CASD1: variants seen among roughly 807,000 people sequenced by gnomAD.
CASD1 encodes N-acetylneuraminate (7)9-O-acetyltransferase.
In CASD1, 41 loss-of-function variants were observed where a neutral mutation model predicts 100.0. The observed-to-expected ratio is 0.41, with a 90% CI of 0.32 to 0.53. The LOEUF (loss-of-function observed/expected upper bound fraction) is 0.53, where lower values mean the gene tolerates loss of function less well. CASD1 is among the 20% of genes least tolerant of loss of function. The pLI, the probability that CASD1 is intolerant of heterozygous loss-of-function variation, is 0.25. For synonymous variants in CASD1, 321 were observed against 315.6 expected, an observed-to-expected ratio of 1.02 and a Z score of -0.18; for missense variants, 774 against 948.7, an observed-to-expected ratio of 0.82 and a Z score of 2.42.
At chr7:94,589,687 C>T in the CASD1 span, 4 of 156,868 alleles carry the variant, frequency 2.5e-5, no homozygotes, top group Non-Finnish European at 2.8e-5. Flanking sequence ...ACTGCGTATG[C>T]GAGGGATCTA....
At chr7:94,567,212 G>A in the CASD1 span, among the ~76,000 whole-genome samples, 1 of 151,956 alleles carries the variant, frequency 6.6e-6, no homozygotes, top group Admixed American at 6.6e-5. Context: ...ATTGTCAGAG[G>A]CTAGAACTCA....
At chr7:94,525,982 T>C (rs1794545157) in intron 3 of CASD1, among the ~76,000 whole-genome samples, 1 of 152,240 alleles carries the variant, frequency 6.6e-6, no homozygotes, top group Non-Finnish European at 1.5e-5. Flanking sequence ...TGCCATTCTT[T>C]ATGTAGAACA....
chr7:94,510,280 G>C, intron 1 of CASD1, 63 bp downstream of exon 1: 2 of 1,250,886 alleles, frequency 1.6e-6, no homozygotes, highest in South Asian at 3.8e-5. Context: ...GGCGGCTGGA[G>C]GCCGCCCCCA....
At chr7:94,573,154 AAC>A in the CASD1 span, among the ~76,000 whole-genome samples, 7 of 152,328 alleles carry the variant, frequency 4.6e-5, no homozygotes, top group South Asian at 1.2e-3. Flanking sequence ...GGCATCAGGT[AAC>A]ACAGTGCCTC....
chr7:94,567,264 T>C, the CASD1 span, among the ~76,000 whole-genome samples: 1 of 152,160 alleles, frequency 6.6e-6, no homozygotes, highest in African/African-American at 2.4e-5. Flanking sequence ...CTGCTCTTTA[T>C]TATAGTGATT....
chr7:94,522,838 T>C (rs1794357716), intron 3 of CASD1, among the ~76,000 whole-genome samples: 1 of 152,048 alleles, frequency 6.6e-6, no homozygotes, highest in South Asian at 2.1e-4. Context: ...TGTTTTTGTA[T>C]TTTTAGTAGA....
chr7:94,542,847 G>T (rs1172733055), intron 10 of CASD1, among the ~76,000 whole-genome samples: 4 of 152,134 alleles, frequency 2.6e-5, no homozygotes, highest in Non-Finnish European at 5.9e-5. Flanking sequence ...CCATCCTTGT[G>T]ATTCTAATAT....
the CASD1 span, among the ~76,000 whole-genome samples, chr7:94,591,818 C>T: frequency 6.6e-6 from 1 of 152,114 alleles, no homozygotes. Flanking sequence ...AGAAAAATGC[C>T]ACACACAAAC....
chr7:94,527,288 A>C, intron 4 of CASD1, 82 bp downstream of exon 4: 1 of 1,038,084 alleles, frequency 9.6e-7, no homozygotes, highest in South Asian at 1.4e-5. Flanking sequence ...AGTATATTTC[A>C]ATGTATTCTT....
the CASD1 span, among the ~76,000 whole-genome samples, chr7:94,579,438 G>A: frequency 6.6e-6 from 1 of 152,088 alleles, no homozygotes; most frequent in Non-Finnish European, 1.5e-5. Context: ...TGCAAAGTGA[G>A]ATCATCTGAT....
At chr7:94,547,326 A>G in intron 13 of CASD1, 151 bp downstream of exon 13, 1 of 503,020 alleles carries the variant, frequency 2.0e-6, no homozygotes, top group Non-Finnish European at 3.5e-6. Context: ...TACTCAGTGT[A>G]GTTATTTTGA....
At chr7:94,539,863 G>A (rs1220260119) in intron 10 of CASD1, among the ~76,000 whole-genome samples, 8 of 152,056 alleles carry the variant, frequency 5.3e-5, no homozygotes, top group Non-Finnish European at 2.9e-5. Context: ...TCTTGCCTCA[G>A]TATTCAAAGA....
chr7:94,589,064 A>G, the CASD1 span: 1 of 353,816 alleles, frequency 2.8e-6, no homozygotes, highest in Non-Finnish European at 5.4e-6. Flanking sequence ...TAGCTAGGAC[A>G]TGGTAGGTAA....
downstream of CASD1, among the ~76,000 whole-genome samples, chr7:94,560,767 G>A (rs1796326809): frequency 6.6e-6 from 1 of 152,084 alleles, no homozygotes; most frequent in Non-Finnish European, 1.5e-5. Context: ...TAATTGAGGG[G>A]TGAGAGTGAT....
intron 5 of CASD1, among the ~76,000 whole-genome samples, chr7:94,532,475 G>A (rs1794898302): frequency 6.6e-6 from 1 of 152,104 alleles, no homozygotes; most frequent in African/African-American, 2.4e-5. Flanking sequence ...CTGGACAAAG[G>A]GAGGATTCAC....
intron 1 of CASD1, among the ~76,000 whole-genome samples, chr7:94,511,482 G>A (rs1442851755): frequency 1.3e-5 from 2 of 152,124 alleles, no homozygotes; most frequent in South Asian, 2.1e-4. Context: ...TTAAAAATTA[G>A]ATTCTTTATA....
At chr7:94,616,743 G>C in the CASD1 span, 1 of 152,026 alleles carries the variant, frequency 6.6e-6, no homozygotes, top group South Asian at 2.1e-4. Context: ...ATCATTTGCA[G>C]CGACAAACTT....
At chr7:94,605,777 A>G in the CASD1 span, among the ~76,000 whole-genome samples, 1 of 152,248 alleles carries the variant, frequency 6.6e-6, no homozygotes, top group East Asian at 1.9e-4. Flanking sequence ...GAAACAAAAA[A>G]CAAAGGCAAC....
the CASD1 span, among the ~76,000 whole-genome samples, chr7:94,593,763 T>A: frequency 2.0e-5 from 3 of 152,124 alleles, no homozygotes; most frequent in Non-Finnish European, 4.4e-5. Flanking sequence ...TGCTATTCTT[T>A]CAGTTTCACA....
Sources: gnomAD v4.1 joint callset for allele counts (sites outside exome capture counted in the v4.1 genomes callset) on GRCh38, gnomAD v4.1.1 for gene constraint, MANE v1.5 for transcripts, NCBI Gene and HGNC (gene_info 2026-07-23, HGNC 2026-07-21) for gene names.